HECTD4: variants seen among roughly 807,000 people sequenced by gnomAD.
HECTD4 encodes HECT domain E3 ubiquitin protein ligase 4.
A neutral mutation model predicts 471.5 loss-of-function variants in HECTD4; 114 were observed. That is an observed-to-expected ratio of 0.24 (90% confidence interval 0.21 to 0.28). The LOEUF (loss-of-function observed/expected upper bound fraction) is 0.28, where lower values mean the gene tolerates loss of function less well. Ranked by LOEUF, HECTD4 falls within the 10% of genes least tolerant of loss-of-function variation. HECTD4 has a pLI of 1.00. For missense variants in HECTD4, 3,866 were observed against 5,651.5 expected, an observed-to-expected ratio of 0.68 and a Z score of 10.13; for synonymous variants, 2,012 against 2,256.0, an observed-to-expected ratio of 0.89 and a Z score of 3.07.
chr12:112,294,447 T>C (rs1206344948), intron 7 of HECTD4, among the ~76,000 whole-genome samples: 1 of 152,242 alleles, frequency 6.6e-6, no homozygotes, highest in Non-Finnish European at 1.5e-5. Context: ...CTAAGCCCTA[T>C]CATTTGTGAA....
At chr12:112,272,636 A>G (rs2034440339) in intron 11 of HECTD4, among the ~76,000 whole-genome samples, 1 of 152,196 alleles carries the variant, frequency 6.6e-6, no homozygotes, top group Non-Finnish European at 1.5e-5. Context: ...AGGCTGTCTT[A>G]GGCCTCTTCT....
At chr12:112,208,753 G>T in intron 50 of HECTD4, 123 bp from the exon 51 acceptor site, 1 of 721,894 alleles carries the variant, frequency 1.4e-6, no homozygotes, top group African/African-American at 1.8e-5. Flanking sequence ...CTAGTACACT[G>T]AGGAATGTTA....
intron 1 of HECTD4, among the ~76,000 whole-genome samples, chr12:112,346,467 T>C (rs2036153201): frequency 6.6e-6 from 1 of 152,178 alleles, no homozygotes; most frequent in African/African-American, 2.4e-5. Context: ...CACCCTCGAC[T>C]GCCACTCAAA....
At chr12:112,189,872 G>T (rs1443269574) in intron 60 of HECTD4, among the ~76,000 whole-genome samples, 4 of 152,044 alleles carry the variant, frequency 2.6e-5, no homozygotes, top group Non-Finnish European at 5.9e-5. Flanking sequence ...TCCTGCCTCA[G>T]CCTCCTGAGT....
chr12:112,228,630 T>C lies in HECTD4; in HGVS notation c.6684+17A>G. ...CCATTGGCAGACATTTTACAAAGCA[T>C]TTAAAAATCACCTTACCTCTGATCT... On this transcript the variant is annotated intron_variant, in intron 42 of 75. Coordinates refer to ENST00000682272, the MANE Select transcript of HECTD4 (RefSeq NM_001388303.1). The surrounding 1 kb of genome is among the most constrained non-coding windows in gnomAD (Gnocchi z 4.9). 1 of 1,594,876 alleles carries C rather than the reference T, an allele frequency of 6.3e-7. No homozygotes were observed. Among genetic ancestry groups the C allele is most frequent in the Non-Finnish European group, 8.5e-7 (1 of 1,172,608 alleles).
intron 7 of HECTD4, among the ~76,000 whole-genome samples, chr12:112,284,143 C>A (rs1314387337): frequency 6.6e-6 from 1 of 152,112 alleles, no homozygotes; most frequent in African/African-American, 2.4e-5. Context: ...TGAAGATGAA[C>A]CCTTCCACTT....
intron 72 of HECTD4, 141 bp downstream of exon 72, chr12:112,167,176 G>A (rs2031001010): frequency 1.5e-6 from 1 of 653,104 alleles, no homozygotes; most frequent in Non-Finnish European, 2.6e-6. Flanking sequence ...AGCCTTCCTG[G>A]CACATGGCTC....
At chr12:112,281,353 A>C (rs1291011708) in intron 8 of HECTD4, among the ~76,000 whole-genome samples, 3 of 152,096 alleles carry the variant, frequency 2.0e-5, no homozygotes, top group Non-Finnish European at 4.4e-5. Flanking sequence ...TGTGCTGCCA[A>C]AGCGTGCACA....
In HECTD4 at chr12:112,205,132, C is replaced by CAA. The variant is rs397851178; in HGVS notation, c.8132-511_8132-510dup. Among the ~76,000 whole-genome samples the CAA allele has an allele frequency of 4.0e-3, 312 of 77,678 alleles. 5 individuals are homozygous for CAA. Among genetic ancestry groups the CAA allele is most frequent in the East Asian group, 0.022 (77 of 3,558 alleles). The allele number at this position is 77,678 out of a possible 152,430, so 51.0% of individuals were successfully genotyped here. ...TCAATGACAGGGAAAGACTCCATCT[C>CAA]AAAAAAAAAAAAAAAAAAAATGGCC... On this transcript the variant is annotated intron_variant, in intron 52 of 75. Transcript: ENST00000682272.
At chr12:112,356,404 T>C (rs2036339106) in intron 1 of HECTD4, among the ~76,000 whole-genome samples, 1 of 152,130 alleles carries the variant, frequency 6.6e-6, no homozygotes, top group South Asian at 2.1e-4. Context: ...TCCGTCTCAC[T>C]CTCTTTCTGG....
intron 1 of HECTD4, chr12:112,322,241 C>T (rs1380903764): frequency 2.6e-5 from 4 of 152,238 alleles, no homozygotes; most frequent in East Asian, 1.9e-4. Flanking sequence ...TGTGGTGGCT[C>T]ATGCCTGTAA....
intron 19 of HECTD4, 53 bp downstream of exon 19, chr12:112,259,059 T>G: frequency 2.0e-6 from 3 of 1,519,336 alleles, no homozygotes; most frequent in Non-Finnish European, 2.7e-6. Flanking sequence ...ACAGCCATCC[T>G]GTGAAGCAGG....
At chr12:112,309,113 A>G (rs1455124866) in intron 5 of HECTD4, among the ~76,000 whole-genome samples, 1 of 152,240 alleles carries the variant, frequency 6.6e-6, no homozygotes, top group Non-Finnish European at 1.5e-5. Context: ...AATTTGGGGG[A>G]AAAGATCTAA....
At chr12:112,267,523 G>A (rs578200430) in intron 13 of HECTD4, 1 of 153,958 alleles carries the variant, frequency 6.5e-6, no homozygotes, top group Non-Finnish European at 1.4e-5. Context: ...TCACTGTCAC[G>A]ATCCAGTCCA....
At position 112,228,302 on chromosome 12, in the gene HECTD4, G is replaced by C. The variant is rs752463032; in HGVS notation, c.6685-44C>G. The C allele has an allele frequency of 6.6e-7, 1 of 1,505,766 alleles. No individual in the cohort carries two copies. The highest frequency in any genetic ancestry group is 8.9e-7 in the Non-Finnish European group (1 of 1,129,286). The allele number at this position is 1,505,766 out of a possible 1,614,324, so 93.3% of individuals were successfully genotyped here. A position where few individuals can be genotyped will look rare whatever the true frequency, so the allele number is the denominator to read the frequency against. ...CATGGCAAAAAGTTAAATTCAAGTA[G>C]TTAGTTTATAAGAAATGAGGGTGTT... On this transcript the variant is annotated intron_variant, in intron 42 of 75. Coordinates refer to ENST00000682272, the MANE Select transcript of HECTD4 (RefSeq NM_001388303.1). The surrounding 1 kb of genome is among the most constrained non-coding windows in gnomAD (Gnocchi z 4.9).
chr12:112,353,505 A>G (rs1391547250), intron 1 of HECTD4, among the ~76,000 whole-genome samples: 1 of 152,236 alleles, frequency 6.6e-6, no homozygotes, highest in Non-Finnish European at 1.5e-5. Context: ...CTGAGTTTCA[A>G]CAATGACTGG....
At chr12:112,276,810 C>A (rs574651366) in intron 9 of HECTD4, among the ~76,000 whole-genome samples, 4 of 152,118 alleles carry the variant, frequency 2.6e-5, no homozygotes, top group Admixed American at 2.6e-4. Flanking sequence ...AGAAGGTATA[C>A]AAATGGCCAA....
chr12:112,206,838 G>C (rs972163066), intron 52 of HECTD4, among the ~76,000 whole-genome samples: 1 of 151,830 alleles, frequency 6.6e-6, no homozygotes, highest in African/African-American at 2.4e-5. Context: ...GCCTGGCCTA[G>C]AATCTGCTTT....
chr12:112,269,942 AC>A (rs1440308450), intron 12 of HECTD4, 93 bp from the exon 13 acceptor site: 2 of 1,100,694 alleles, frequency 1.8e-6, no homozygotes, highest in Non-Finnish European at 2.6e-6. Context: ...TATCCTATGA[AC>A]AAATAACCAG....
Sources: gnomAD v4.1 joint callset for allele counts (sites outside exome capture counted in the v4.1 genomes callset) on GRCh38, gnomAD v4.1.1 for gene constraint, Gnocchi (gnomAD v3.1) non-coding constraint, MANE v1.5 for transcripts, NCBI Gene and HGNC (gene_info 2026-07-23, HGNC 2026-07-21) for gene names.